The following CLSTN2 variants were observed in gnomAD, a reference collection of about 807,000 sequenced individuals.
CLSTN2 encodes calsyntenin 2, also known as calsyntenin-2.
Under a neutral mutation model 101.2 loss-of-function variants are expected in CLSTN2, and 48 were observed. That is an observed-to-expected ratio of 0.47 (90% CI 0.38 to 0.60). CLSTN2 has a LOEUF of 0.60. CLSTN2 is among the 20% of genes least tolerant of loss of function. The probability of loss-of-function intolerance (pLI) is 0.00; values close to 1 mark genes in which losing one functional copy is unlikely to be tolerated. For synonymous variants in CLSTN2, 481 were observed against 463.6 expected, an observed-to-expected ratio of 1.04 and a Z score of -0.48; for missense variants, 1,160 against 1,238.2, an observed-to-expected ratio of 0.94 and a Z score of 0.95.
intron 2 of CLSTN2, among the ~76,000 whole-genome samples, chr3:140,287,260 A>G (rs1279377128): frequency 6.6e-6 from 1 of 152,220 alleles, no homozygotes; most frequent in Admixed American, 6.5e-5. Flanking sequence ...GCTGAGTGAA[A>G]GAAGCCAGGC....
intron 6 of CLSTN2, among the ~76,000 whole-genome samples, chr3:140,452,970 C>A (rs1423014043): frequency 3.3e-5 from 5 of 152,314 alleles, no homozygotes; most frequent in Non-Finnish European, 4.4e-5. Flanking sequence ...ACCAGGCTTT[C>A]CAGAGGTGCG....
chr3:140,158,968 G>T (rs1360694804), intron 1 of CLSTN2, among the ~76,000 whole-genome samples: 1 of 152,116 alleles, frequency 6.6e-6, no homozygotes, highest in Non-Finnish European at 1.5e-5. Context: ...GGGATAATTG[G>T]CTAGTAATAT....
At chr3:140,290,395 A>G (rs925848922) in intron 2 of CLSTN2, among the ~76,000 whole-genome samples, 5 of 152,252 alleles carry the variant, frequency 3.3e-5, no homozygotes, top group Admixed American at 1.3e-4. Flanking sequence ...GGAGCCCACA[A>G]TATACCCGAG....
At chr3:140,180,591 G>A (rs895453400) in intron 2 of CLSTN2, among the ~76,000 whole-genome samples, 10 of 152,156 alleles carry the variant, frequency 6.6e-5, no homozygotes, top group Admixed American at 2.0e-4. Flanking sequence ...GTGCCCCACC[G>A]AGGTCTGTTA....
chr3:140,403,954 G>A lies in CLSTN2; in HGVS notation c.428+130G>A. 3 of 726,796 alleles carry A rather than the reference G, an allele frequency of 4.1e-6. No homozygotes were observed. The South Asian group carries it at 5.8e-5, about 14-fold the overall frequency. The allele number at this position is 726,796 out of a possible 1,614,324, so 45.0% of individuals were successfully genotyped here. On this transcript the variant is annotated intron_variant, in intron 3 of 16. Transcript: ENST00000458420. ...GTGCTCCAACTTTGCTCAACTGCTT[G>A]GCAGTTTCCTGGTCCCATGCAGGCA...
intron 8 of CLSTN2, among the ~76,000 whole-genome samples, chr3:140,471,806 C>T (rs1198280720): frequency 6.6e-6 from 1 of 152,216 alleles, no homozygotes; most frequent in Non-Finnish European, 1.5e-5. Flanking sequence ...TGCTGCACTT[C>T]CAGTTGCTCA....
intron 2 of CLSTN2, among the ~76,000 whole-genome samples, chr3:140,304,110 C>T (rs2087087975): frequency 6.6e-6 from 1 of 152,214 alleles, no homozygotes; most frequent in South Asian, 2.1e-4. Flanking sequence ...CTCTGAAACT[C>T]GCAGTGGGAA....
intron 2 of CLSTN2, among the ~76,000 whole-genome samples, chr3:140,323,283 T>C (rs2087302150): frequency 6.6e-6 from 1 of 152,186 alleles, no homozygotes; most frequent in African/African-American, 2.4e-5. Flanking sequence ...GGATTCTAGT[T>C]CAGCCTCTGA....
At chr3:140,190,642 T>C (rs2010553511) in intron 2 of CLSTN2, among the ~76,000 whole-genome samples, 1 of 152,100 alleles carries the variant, frequency 6.6e-6, no homozygotes, top group South Asian at 2.1e-4. Context: ...CATGTTTTCT[T>C]ATATTTATAT....
chr3:140,312,942 C>T (rs974170130), intron 2 of CLSTN2, among the ~76,000 whole-genome samples: 2 of 152,306 alleles, frequency 1.3e-5, no homozygotes, highest in African/African-American at 4.8e-5. Flanking sequence ...TGAACAATTT[C>T]TATTTTGTGT....
chr3:140,103,691 C>T (rs535734969), intron 1 of CLSTN2, among the ~76,000 whole-genome samples: 1 of 152,300 alleles, frequency 6.6e-6, no homozygotes, highest in South Asian at 2.1e-4. Context: ...CAGAGTAGTT[C>T]CCAGGAGTAA....
chr3:139,997,632 T>A (rs1260379044), intron 1 of CLSTN2, among the ~76,000 whole-genome samples: 2 of 152,246 alleles, frequency 1.3e-5, no homozygotes, highest in Non-Finnish European at 2.9e-5. Flanking sequence ...CTGTACTTAG[T>A]CTTTGTATCT....
At chr3:140,327,691 T>C (rs528074305) in intron 2 of CLSTN2, among the ~76,000 whole-genome samples, 1 of 152,328 alleles carries the variant, frequency 6.6e-6, no homozygotes, top group East Asian at 1.9e-4. Flanking sequence ...AGATTCCTCA[T>C]CTGTCAAGTG....
chr3:140,421,360 CAT>C lies in CLSTN2; in HGVS notation c.787+88_787+89del, dbSNP rs72463001. The stretch of plus-strand genomic sequence containing the variant: ...TACTTGTCCTCAAATCATCACAACA[CAT>C]AACTTTTTAAAGTACAGTCACTTTG... On this transcript the variant is annotated intron_variant, in intron 5 of 16. Coordinates refer to ENST00000458420, the MANE Select transcript of CLSTN2 (RefSeq NM_022131.3). 1.9e-3 allele frequency: 2,876 copies of C among 1,495,976 alleles called. 55 individuals carry two copies. The African/African-American group carries it at 0.032, about 17-fold the overall frequency. The allele number at this position is 1,495,976 out of a possible 1,614,324, so 92.7% of individuals were successfully genotyped here.
intron 2 of CLSTN2, among the ~76,000 whole-genome samples, chr3:140,239,660 T>C (rs1298249848): frequency 6.6e-6 from 1 of 152,146 alleles, no homozygotes; most frequent in Admixed American, 6.6e-5. Flanking sequence ...TAATGCAGTA[T>C]TTTCTAAAAA....
intron 2 of CLSTN2, among the ~76,000 whole-genome samples, chr3:140,204,225 G>C (rs1232177282): frequency 6.6e-6 from 1 of 152,190 alleles, no homozygotes; most frequent in East Asian, 1.9e-4. Flanking sequence ...ATAAGTGGTA[G>C]TTGTTTTTAT....
chr3:140,360,270 G>A (rs1447755297), intron 2 of CLSTN2, among the ~76,000 whole-genome samples: 1 of 152,120 alleles, frequency 6.6e-6, no homozygotes, highest in Non-Finnish European at 1.5e-5. Flanking sequence ...ATTGAGGGTG[G>A]CCTCTGTTTT....
chr3:140,084,710 T>C (rs757497994), intron 1 of CLSTN2, among the ~76,000 whole-genome samples: 1 of 151,680 alleles, frequency 6.6e-6, no homozygotes, highest in Non-Finnish European at 1.5e-5. Context: ...GAGCAAATTT[T>C]GAAATCACAA....
At chr3:140,544,780 A>G (rs1456157205) in intron 9 of CLSTN2, among the ~76,000 whole-genome samples, 1 of 151,948 alleles carries the variant, frequency 6.6e-6, no homozygotes, top group African/African-American at 2.4e-5. Flanking sequence ...CAGGAGAGGG[A>G]GACACATGGT....
Sources: gnomAD v4.1 joint callset for allele counts (sites outside exome capture counted in the v4.1 genomes callset) on GRCh38, gnomAD v4.1.1 for gene constraint, MANE v1.5 for transcripts, NCBI Gene and HGNC (gene_info 2026-07-23, HGNC 2026-07-21) for gene names.